NRTN: variants seen among roughly 807,000 people sequenced by gnomAD.
NRTN encodes the protein neurturin, also known as prepro-neurturin.
NRTN carries 3 observed loss-of-function variants against 7.5 expected under a neutral mutation model. The ratio of observed to expected loss-of-function variants is 0.40; its 90% confidence interval spans 0.18 to 1.03. The LOEUF (loss-of-function observed/expected upper bound fraction) is 1.03. NRTN is among the 50% of genes least tolerant of loss of function. The probability of loss-of-function intolerance (pLI) is 0.34; values close to 1 mark genes in which losing one functional copy is unlikely to be tolerated. For missense variants in NRTN, 310 were observed against 307.0 expected, an observed-to-expected ratio of 1.01 and a Z score of -0.07; for synonymous variants, 157 against 146.6, an observed-to-expected ratio of 1.07 and a Z score of -0.51.
intron 1 of NRTN, among the ~76,000 whole-genome samples, chr19:5,812,380 A>G (rs986625729): frequency 2.6e-5 from 4 of 152,088 alleles, no homozygotes; most frequent in African/African-American, 9.7e-5. Flanking sequence ...GTTGGGCAGC[A>G]CTCAGCTTCT....
chr19:5,810,925 C>T (rs2056988722), intron 1 of NRTN, among the ~76,000 whole-genome samples: 2 of 144,148 alleles, frequency 1.4e-5, no homozygotes, highest in Admixed American at 1.4e-4. Context: ...GAGACTCCAT[C>T]TCAAAAAAAA....
At chr19:5,805,496 G>C (rs1412278126) in intron 1 of NRTN, among the ~76,000 whole-genome samples, 45 bp downstream of exon 1, 1 of 151,852 alleles carries the variant, frequency 6.6e-6, no homozygotes. Flanking sequence ...AGCAGGGTAC[G>C]ACGGGGACGA....
intron 2 of NRTN, among the ~76,000 whole-genome samples, chr19:5,826,826 C>G (rs909085789): frequency 2.6e-5 from 4 of 152,202 alleles, no homozygotes; most frequent in Non-Finnish European, 5.9e-5. Context: ...TGGGCACCTC[C>G]TGGCGAGTGT....
At chr19:5,821,781 G>A (rs961716822) in intron 1 of NRTN, among the ~76,000 whole-genome samples, 4 of 152,082 alleles carry the variant, frequency 2.6e-5, no homozygotes, top group African/African-American at 7.2e-5. Context: ...ATGCCCTCAC[G>A]TTGGGGAACT....
intron 1 of NRTN, among the ~76,000 whole-genome samples, chr19:5,818,556 C>CTG (rs1491455734): frequency 2.0e-5 from 3 of 151,950 alleles, no homozygotes; most frequent in Non-Finnish European, 2.9e-5. Context: ...CTGTGTACCC[C>CTG]TGTGTGTGTG....
Position 5,828,030 on chromosome 19 carries a change from C to A in NRTN, c.451C>A (p.Arg151=). 1 of 1,418,790 alleles carries A rather than the reference C, an allele frequency of 7.0e-7. No individual in the cohort carries two copies. The highest frequency in any genetic ancestry group is 9.1e-7 in the Non-Finnish European group (1 of 1,094,790). The allele number at this position is 1,418,790 out of a possible 1,614,324, so 87.9% of individuals were successfully genotyped here. A position where few individuals can be genotyped will look rare whatever the true frequency, so the allele number is the denominator to read the frequency against. Residue 151 remains arginine (R), a synonymous_variant, in exon 3 of 3, where the codon CGG becomes AGG. Coordinates refer to ENST00000303212, the MANE Select transcript of NRTN (RefSeq NM_004558.5). ...YDLGLRRLRQ[R]RRLRRERVRA... ...CCTCGGGCTGCGACGACTGCGCCAGCGGCGGCGCCTGCGGCGGGAGCGGGT... is the reference window on the plus strand; with the variant it reads ...CCTCGGGCTGCGACGACTGCGCCAGAGGCGGCGCCTGCGGCGGGAGCGGGT...
chr19:5,825,647 T>C (rs751060121), intron 2 of NRTN, among the ~76,000 whole-genome samples: 2 of 152,198 alleles, frequency 1.3e-5, no homozygotes, highest in African/African-American at 4.8e-5. Context: ...ATGGAGGAAT[T>C]TCAGGCACTG....
At chr19:5,812,990 G>A (rs148378949) in intron 1 of NRTN, among the ~76,000 whole-genome samples, 6 of 152,188 alleles carry the variant, frequency 3.9e-5, no homozygotes, top group African/African-American at 1.2e-4. Flanking sequence ...CTACCCATGG[G>A]CAGTGGCAAG....
chr19:5,815,344 AGTGTGT>A (rs139182799), intron 1 of NRTN, among the ~76,000 whole-genome samples: 2 of 150,120 alleles, frequency 1.3e-5, no homozygotes, highest in Non-Finnish European at 3.0e-5. Context: ...GGGTTGTTCA[AGTGTGT>A]GTGTGTGTGT....
intron 1 of NRTN, among the ~76,000 whole-genome samples, chr19:5,805,740 G>A (rs934437735): frequency 2.6e-5 from 4 of 152,080 alleles, no homozygotes; most frequent in Non-Finnish European, 4.4e-5. Context: ...AAACCTCCAA[G>A]TGTGCATCTG....
intron 1 of NRTN, among the ~76,000 whole-genome samples, chr19:5,808,786 C>T (rs568235963): frequency 2.7e-5 from 4 of 147,968 alleles, no homozygotes; most frequent in Non-Finnish European, 6.0e-5. Context: ...GAGACAGTCT[C>T]GCTCTGTCAC....
At chr19:5,826,401 A>C (rs867017296) in intron 2 of NRTN, among the ~76,000 whole-genome samples, 5 of 152,038 alleles carry the variant, frequency 3.3e-5, no homozygotes, top group African/African-American at 1.2e-4. Flanking sequence ...TGGAAGCTTC[A>C]TGGGACAGAC....
In NRTN at chr19:5,824,045, T is replaced by A; in HGVS notation, c.-121T>A. 7.9e-7 allele frequency: 1 copy of A among 1,273,106 alleles called. No homozygotes were observed. Among genetic ancestry groups the A allele is most frequent in the East Asian group, 2.4e-5 (1 of 42,460 alleles). The allele number at this position is 1,273,106 out of a possible 1,614,324, so 78.9% of individuals were successfully genotyped here. On this transcript the variant is annotated 5_prime_UTR_variant, in exon 2 of 3. Coordinates refer to ENST00000303212, the MANE Select transcript of NRTN (RefSeq NM_004558.5). ...ACCATTCCCATGTGATTATCGACCA[T>A]TCGGCAGGCGTTCAAAGTCAAAGGC...
At chr19:5,817,302 C>T (rs2057007917) in intron 1 of NRTN, among the ~76,000 whole-genome samples, 1 of 151,362 alleles carries the variant, frequency 6.6e-6, no homozygotes, top group Non-Finnish European at 1.5e-5. Flanking sequence ...TGCAGTGAGC[C>T]GAGGTTGCGC....
intron 1 of NRTN, among the ~76,000 whole-genome samples, chr19:5,809,795 C>T (rs1039795413): frequency 1.1e-4 from 16 of 152,136 alleles, no homozygotes; most frequent in Admixed American, 2.6e-4. Flanking sequence ...TGGGTCTCAG[C>T]GCCACTGTTC....
At chr19:5,818,317 T>C (rs115738350) in intron 1 of NRTN, among the ~76,000 whole-genome samples, 1,883 of 152,200 alleles carry the variant, frequency 0.012, 35 homozygotes, top group African/African-American at 0.043. Flanking sequence ...TGCTTGAGCA[T>C]GTGAGTGTGA....
intron 1 of NRTN, among the ~76,000 whole-genome samples, chr19:5,817,013 A>C (rs1354858146): frequency 6.6e-6 from 1 of 152,078 alleles, no homozygotes; most frequent in Admixed American, 6.6e-5. Context: ...GAAACATCTG[A>C]GTATGCATGG....
At chr19:5,808,718 C>A (rs2056980973) in intron 1 of NRTN, among the ~76,000 whole-genome samples, 1 of 151,690 alleles carries the variant, frequency 6.6e-6, no homozygotes, top group Non-Finnish European at 1.5e-5. Flanking sequence ...CGTGCAGCTC[C>A]CTCCGCCTGG....
intron 1 of NRTN, among the ~76,000 whole-genome samples, chr19:5,819,528 T>A (rs1388978906): frequency 6.6e-6 from 1 of 152,174 alleles, no homozygotes; most frequent in Non-Finnish European, 1.5e-5. Flanking sequence ...CCAGGCGTGG[T>A]GGCACATGCC....
Sources: gnomAD v4.1 joint callset for allele counts (sites outside exome capture counted in the v4.1 genomes callset) on GRCh38, gnomAD v4.1.1 for gene constraint, MANE v1.5 for transcripts, NCBI Gene and HGNC (gene_info 2026-07-23, HGNC 2026-07-21) for gene names.